Variants in CPQ observed in about 807,000 individuals in gnomAD.
CPQ encodes the protein carboxypeptidase Q, also known as Ser-Met dipeptidase.
Under a neutral mutation model 45.7 loss-of-function variants are expected in CPQ, and 37 were observed. That is an observed-to-expected ratio of 0.81 (90% CI 0.62 to 1.07). CPQ has a LOEUF of 1.07. CPQ is among the 50% of genes least tolerant of loss of function. The pLI, the probability that CPQ is intolerant of heterozygous loss-of-function variation, is 0.00. For synonymous variants in CPQ, 186 were observed against 205.8 expected (o/e 0.90, Z 0.82); for missense variants, 537 against 572.9 (o/e 0.94, Z 0.64).
intron 7 of CPQ, among the ~76,000 whole-genome samples, chr8:97,117,732 T>A (rs1811619305): frequency 6.6e-6 from 1 of 151,946 alleles, no homozygotes; most frequent in Non-Finnish European, 1.5e-5. Context: ...AGAGACGAGG[T>A]CTCATCATGT....
chr8:96,763,513 G>C (rs1032350390), intron 1 of CPQ, among the ~76,000 whole-genome samples: 4 of 152,010 alleles, frequency 2.6e-5, no homozygotes, highest in African/African-American at 7.3e-5. Flanking sequence ...TTTTAGAATT[G>C]ACAAACTGGA....
chr8:96,956,062 G>T (rs548706457), intron 4 of CPQ, among the ~76,000 whole-genome samples: 34 of 152,286 alleles, frequency 2.2e-4, no homozygotes, highest in Non-Finnish European at 3.8e-4. Flanking sequence ...CACAGCAAAA[G>T]AAACTACCAT....
chr8:96,809,828 A>T (rs576175331), intron 2 of CPQ, among the ~76,000 whole-genome samples: 4 of 152,274 alleles, frequency 2.6e-5, no homozygotes, highest in South Asian at 4.1e-4. Flanking sequence ...GAAAGGAGGA[A>T]CATTCTTTAC....
intron 1 of CPQ, among the ~76,000 whole-genome samples, chr8:96,696,379 C>T (rs541570179): frequency 2.0e-5 from 3 of 151,790 alleles, no homozygotes; most frequent in Admixed American, 6.6e-5. Context: ...CAGCATGGCA[C>T]ATGTGTACGT....
At chr8:96,936,813 G>A (rs1055937091) in intron 4 of CPQ, among the ~76,000 whole-genome samples, 1 of 152,132 alleles carries the variant, frequency 6.6e-6, no homozygotes, top group African/African-American at 2.4e-5. Context: ...TGGAGAGAAG[G>A]TTCTCAGTAA....
intron 5 of CPQ, among the ~76,000 whole-genome samples, chr8:96,983,369 TA>T (rs1460276965): frequency 6.6e-6 from 1 of 152,200 alleles, no homozygotes; most frequent in East Asian, 1.9e-4. Context: ...AATAGTGCCT[TA>T]AAGTTTCCAA....
At chr8:96,851,547 A>G (rs1811771311) in intron 3 of CPQ, among the ~76,000 whole-genome samples, 1 of 152,206 alleles carries the variant, frequency 6.6e-6, no homozygotes, top group African/African-American at 2.4e-5. Context: ...GTGTCCTCAC[A>G]TGTGGAAGAA....
intron 7 of CPQ, among the ~76,000 whole-genome samples, chr8:97,127,831 G>C (rs1361221015): frequency 6.6e-6 from 1 of 152,198 alleles, no homozygotes; most frequent in African/African-American, 2.4e-5. Context: ...AAAGAAGCCA[G>C]ACACAAGAGA....
At chr8:96,707,178 A>G (rs545938974) in intron 1 of CPQ, among the ~76,000 whole-genome samples, 1 of 152,186 alleles carries the variant, frequency 6.6e-6, no homozygotes, top group African/African-American at 2.4e-5. Flanking sequence ...ATGAAGAAAC[A>G]GATCACTGTT....
At chr8:96,757,987 C>T (rs1410433091) in intron 1 of CPQ, among the ~76,000 whole-genome samples, 1 of 152,130 alleles carries the variant, frequency 6.6e-6, no homozygotes, top group African/African-American at 2.4e-5. Context: ...ATGGTTTTTT[C>T]AAATGTCTAA....
At chr8:96,855,433 A>G (rs1361048356) in intron 3 of CPQ, among the ~76,000 whole-genome samples, 1 of 152,204 alleles carries the variant, frequency 6.6e-6, no homozygotes, top group Non-Finnish European at 1.5e-5. Flanking sequence ...CAGCCCTGAT[A>G]GGAGAATGCC....
intron 7 of CPQ, among the ~76,000 whole-genome samples, chr8:97,140,239 G>A (rs978964905): frequency 6.6e-6 from 1 of 151,910 alleles, no homozygotes; most frequent in Non-Finnish European, 1.5e-5. Flanking sequence ...AACCATGAAA[G>A]AAATTGAATC....
chr8:97,142,349 G>C (rs1398491154), intron 7 of CPQ, among the ~76,000 whole-genome samples: 1 of 152,144 alleles, frequency 6.6e-6, no homozygotes, highest in Non-Finnish European at 1.5e-5. Flanking sequence ...CTAGCAAAAA[G>C]CTTCACACTT....
chr8:96,784,409 G>T (rs1563496255), intron 1 of CPQ, among the ~76,000 whole-genome samples: 1 of 150,788 alleles, frequency 6.6e-6, no homozygotes, highest in African/African-American at 2.4e-5. Flanking sequence ...TGGGGGGGGG[G>T]TTGGTAAAAT....
chr8:96,885,677 G>C (rs1347190711), intron 4 of CPQ, among the ~76,000 whole-genome samples: 1 of 152,102 alleles, frequency 6.6e-6, no homozygotes, highest in Non-Finnish European at 1.5e-5. Flanking sequence ...CATAAGCCTG[G>C]ACCGAATTAA....
chr8:97,042,035 G>T (rs933974683), intron 6 of CPQ, among the ~76,000 whole-genome samples: 1 of 151,898 alleles, frequency 6.6e-6, no homozygotes, highest in African/African-American at 2.4e-5. Context: ...TTTTTCTATT[G>T]ATTGGAATAG....
chr8:97,121,734 T>A (rs964155320), intron 7 of CPQ, among the ~76,000 whole-genome samples: 6 of 152,074 alleles, frequency 3.9e-5, no homozygotes, highest in African/African-American at 1.4e-4. Flanking sequence ...AGACAGGCAC[T>A]ATAAGCAACT....
At chr8:97,138,245 C>T (rs1364910944) in intron 7 of CPQ, among the ~76,000 whole-genome samples, 1 of 152,172 alleles carries the variant, frequency 6.6e-6, no homozygotes, top group East Asian at 1.9e-4. Flanking sequence ...CCAGTGTCAA[C>T]CAAACTGGAA....
At chr8:97,024,037 C>T (rs1809754871) in intron 5 of CPQ, among the ~76,000 whole-genome samples, 1 of 152,204 alleles carries the variant, frequency 6.6e-6, no homozygotes, top group South Asian at 2.1e-4. Flanking sequence ...ACCACTGTGC[C>T]AGGCTGGCTG....
Sources: allele counts gnomAD v4.1 joint callset (sites outside exome capture counted in the v4.1 genomes callset), GRCh38; gene constraint gnomAD v4.1.1; transcripts MANE v1.5; gene names NCBI Gene and HGNC (gene_info 2026-07-23, HGNC 2026-07-21).